The following ARHGAP32 variants were observed in gnomAD, a reference collection of about 807,000 sequenced individuals.
The protein encoded by ARHGAP32 is rho GTPase-activating protein 32.
ARHGAP32 carries 51 observed loss-of-function variants against 186.5 expected under a neutral mutation model. The observed-to-expected ratio is 0.27, with a 90% confidence interval of 0.22 to 0.35. ARHGAP32 has a LOEUF of 0.35. Among genes scored for constraint, ARHGAP32 ranks in the 10% least tolerant of loss-of-function variants. ARHGAP32 has a pLI of 1.00. For synonymous variants in ARHGAP32, 950 were observed against 964.3 expected (o/e 0.99, Z 0.27); for missense variants, 2,186 against 2,623.5 (o/e 0.83, Z 3.64).
At chr11:129,024,566 AT>A (rs1310630385) in intron 11 of ARHGAP32, among the ~76,000 whole-genome samples, 1 of 152,294 alleles carries the variant, frequency 6.6e-6, no homozygotes, top group Admixed American at 6.5e-5. Flanking sequence ...CTACTAACAC[AT>A]TTTTTTAAGT....
chr11:129,055,655 T>C (rs896288416), intron 10 of ARHGAP32, among the ~76,000 whole-genome samples: 6 of 152,166 alleles, frequency 3.9e-5, no homozygotes, highest in African/African-American at 1.4e-4. Context: ...AAATGCATAT[T>C]ACTAAGTAAA....
chr11:129,027,048 G>A (rs868344906), intron 11 of ARHGAP32, among the ~76,000 whole-genome samples: 230 of 145,214 alleles, frequency 1.6e-3, no homozygotes, highest in Middle Eastern at 3.9e-3. Flanking sequence ...GCAGTGAGCC[G>A]AGATCACGCC....
intron 12 of ARHGAP32, among the ~76,000 whole-genome samples, chr11:128,992,184 A>G (rs1048539998): frequency 6.6e-6 from 1 of 152,188 alleles, no homozygotes; most frequent in Non-Finnish European, 1.5e-5. Flanking sequence ...AGTTTTGTGC[A>G]TATCATACAA....
intron 11 of ARHGAP32, among the ~76,000 whole-genome samples, chr11:129,019,243 T>C (rs1313523364): frequency 2.0e-5 from 3 of 152,106 alleles, no homozygotes; most frequent in African/African-American, 7.2e-5. Flanking sequence ...AAAAGGTAAA[T>C]CCTAACCCAG....
chr11:129,228,492 T>C (rs775933749), intron 1 of ARHGAP32, among the ~76,000 whole-genome samples: 4 of 152,186 alleles, frequency 2.6e-5, no homozygotes, highest in Non-Finnish European at 5.9e-5. Context: ...TTTTAACCCA[T>C]TTAAAAGATA....
chr11:129,027,743 G>C (rs575342), intron 11 of ARHGAP32, among the ~76,000 whole-genome samples: 98,395 of 152,008 alleles, frequency 0.65, 32,217 homozygotes, highest in Middle Eastern at 0.72. Flanking sequence ...CTTGGCATCC[G>C]TCTCTCAGGT....
At chr11:129,241,129 T>C (rs1317847843) in intron 1 of ARHGAP32, among the ~76,000 whole-genome samples, 3 of 152,220 alleles carry the variant, frequency 2.0e-5, no homozygotes. Context: ...AAGGAATAAA[T>C]GAGCTCACAT....
intron 11 of ARHGAP32, among the ~76,000 whole-genome samples, chr11:129,013,187 G>T (rs1938169891): frequency 6.6e-6 from 1 of 152,176 alleles, no homozygotes; most frequent in African/African-American, 2.4e-5. Flanking sequence ...ATAATGGAGG[G>T]TGTCACTGGC....
At chr11:129,226,106 C>T (rs1409189292) in intron 1 of ARHGAP32, among the ~76,000 whole-genome samples, 2 of 151,914 alleles carry the variant, frequency 1.3e-5, no homozygotes, top group Non-Finnish European at 2.9e-5. Context: ...AATCCAAAAA[C>T]AGAAAGAAAA....
chr11:129,154,638 C>T (rs762838424), intron 2 of ARHGAP32, among the ~76,000 whole-genome samples: 18 of 151,972 alleles, frequency 1.2e-4, no homozygotes, highest in Non-Finnish European at 2.1e-4. Flanking sequence ...GAATGGAAAA[C>T]CAAATACCGT....
At chr11:129,145,499 C>T (rs778261140) in intron 2 of ARHGAP32, among the ~76,000 whole-genome samples, 27 of 151,414 alleles carry the variant, frequency 1.8e-4, no homozygotes, top group Non-Finnish European at 3.0e-4. Context: ...CATTGTCCCT[C>T]CACCTGCATG....
Position 128,968,717 on chromosome 11 carries a change from T to C in ARHGAP32, c.*190A>G, listed in dbSNP as rs1441541211. 1.5e-5 allele frequency: 7 copies of C among 456,276 alleles called. No individual in the cohort carries two copies. The highest frequency in any genetic ancestry group is 1.4e-4 in the African/African-American group (7 of 49,658). The allele number at this position is 456,276 out of a possible 1,614,324, so 28.3% of individuals were successfully genotyped here. ...TTTTCTAAAGACAAAAATGACAAAG[T>C]CTATAGATGGAAGAGGGGGTAATGA... On this transcript the variant is annotated 3_prime_UTR_variant, in exon 23 of 23. Transcript: ENST00000682385.
intron 6 of ARHGAP32, among the ~76,000 whole-genome samples, chr11:129,088,217 G>C (rs1941467653): frequency 6.6e-6 from 1 of 152,160 alleles, no homozygotes; most frequent in Non-Finnish European, 1.5e-5. Context: ...TATAAAACTA[G>C]TAAATACTTT....
chr11:129,093,107 C>A (rs117233668), intron 6 of ARHGAP32, among the ~76,000 whole-genome samples: 4 of 151,840 alleles, frequency 2.6e-5, no homozygotes, highest in African/African-American at 9.7e-5. Context: ...ATTGTTACAC[C>A]GAAGAGAAAC....
chr11:129,028,060 T>C lies in ARHGAP32; in HGVS notation c.1045+12868A>G, dbSNP rs1017764271. 3.3e-5 allele frequency among the ~76,000 whole-genome samples: 5 copies of C among 152,260 alleles called. 1 individual carries two copies. The highest frequency in any genetic ancestry group is 3.3e-4 in the Admixed American group (5 of 15,290). ...TAGGAAACATTTTTGGTAACTATAA[T>C]GAAAACTGTTCATGCTTATAATTAC... On this transcript the variant is annotated intron_variant, in intron 11 of 22. Transcript: ENST00000682385.
chr11:129,274,248 T>C (rs997877603), intron 1 of ARHGAP32, among the ~76,000 whole-genome samples: 3 of 152,362 alleles, frequency 2.0e-5, no homozygotes, highest in Admixed American at 1.3e-4. Context: ...GGAATATTCC[T>C]GCTCAAGCTT....
intron 1 of ARHGAP32, 30 bp from the exon 2 acceptor site, chr11:129,164,457 A>C: frequency 1.6e-6 from 2 of 1,267,956 alleles, no homozygotes; most frequent in Non-Finnish European, 2.2e-6. Flanking sequence ...AGATTCTGAT[A>C]AGAATTTCCA....
At chr11:129,261,773 T>C (rs189666060) in intron 1 of ARHGAP32, among the ~76,000 whole-genome samples, 39 of 152,324 alleles carry the variant, frequency 2.6e-4, no homozygotes, top group African/African-American at 9.1e-4. Flanking sequence ...AAAGGTAATT[T>C]TGACTTAAAC....
chr11:129,256,486 G>C (rs555047039), intron 1 of ARHGAP32, among the ~76,000 whole-genome samples: 3 of 152,040 alleles, frequency 2.0e-5, no homozygotes, highest in Non-Finnish European at 4.4e-5. Context: ...AGATGAAGCC[G>C]GGGACTTAAA....
Sources: allele counts gnomAD v4.1 joint callset (sites outside exome capture counted in the v4.1 genomes callset), GRCh38; gene constraint gnomAD v4.1.1; transcripts MANE v1.5; gene names NCBI Gene and HGNC (gene_info 2026-07-23, HGNC 2026-07-21).